DMAC2L: variants seen among roughly 807,000 people sequenced by gnomAD.
The protein encoded by DMAC2L is ATP synthase subunit s, mitochondrial.
DMAC2L carries 21 observed loss-of-function variants against 22.5 expected under a neutral mutation model. The ratio of observed to expected loss-of-function variants is 0.93; its 90% CI spans 0.66 to 1.34. The LOEUF (loss-of-function observed/expected upper bound fraction) is 1.34, where lower values mean the gene tolerates loss of function less well. Ranked by LOEUF, DMAC2L falls within the 40% of genes most tolerant of loss-of-function variation. DMAC2L has a pLI of 0.00. For missense variants in DMAC2L, 239 were observed against 246.5 expected (o/e 0.97, Z 0.20); for synonymous variants, 86 against 89.5 (o/e 0.96, Z 0.22).
At position 50,324,065 on chromosome 14, in the gene DMAC2L, T is replaced by C; in HGVS notation, c.437T>C (p.Ile146Thr). The stretch of plus-strand genomic sequence containing the variant: ...AAAACCATATTGGAAATGGAAATAA[T>C]ATCCTGTGGGAATATCACAGACAAA... ...LQKTILEMEI[I>T]SCGNITDKGI... Residue 146 changes from isoleucine to threonine, a missense_variant, in exon 5 of 6, where the codon ATA becomes ACA. By Grantham distance (89) the Ile-to-Thr change is moderately conservative. Coordinates refer to ENST00000557421, the MANE Select transcript of DMAC2L (RefSeq NM_001382507.1). The C allele has an allele frequency of 6.2e-7, 1 of 1,614,044 alleles. No homozygotes were observed. The highest frequency in any genetic ancestry group is 8.5e-7 in the Non-Finnish European group (1 of 1,179,976).
At position 50,325,845 on chromosome 14, in the gene DMAC2L, A is replaced by G; in HGVS notation, c.*122A>G. Reference sequence around the variant, plus strand: ...CCATATCATGACATTTTAGAAGTGGAGAGTGCATCATATGTAGAAAATAAA... The same window carrying G: ...CCATATCATGACATTTTAGAAGTGGGGAGTGCATCATATGTAGAAAATAAA... On this transcript the variant is annotated 3_prime_UTR_variant, in exon 6 of 6. Transcript: ENST00000557421. 1 of 1,415,042 alleles carries G rather than the reference A, an allele frequency of 7.1e-7. No homozygotes were observed. Among genetic ancestry groups the G allele is most frequent in the South Asian group, 1.5e-5 (1 of 64,864 alleles). 87.7% of individuals were successfully genotyped at this position (1,415,042 alleles called of 1,614,324 possible).
chr14:50,324,283 C>G, intron 5 of DMAC2L, 167 bp downstream of exon 5: 1 of 587,552 alleles, frequency 1.7e-6, no homozygotes, highest in Non-Finnish European at 2.7e-6. Flanking sequence ...AATGATCAAC[C>G]TTAATACATT....
In DMAC2L at chr14:50,326,459, TTGA is replaced by T. The variant is rs1156291527; in HGVS notation, c.*739_*741del. The T allele has an allele frequency of 1.0e-4, 101 of 985,156 alleles. No homozygotes were observed. The highest frequency in any genetic ancestry group is 1.2e-4 in the Non-Finnish European group (101 of 829,824). The allele number at this position is 985,156 out of a possible 1,614,324, so 61.0% of individuals were successfully genotyped here. ...AATTAGAAGCTAAATTACAGATTCATTGATGGAGTCAATTATGCAAAGTGGTCA... is the reference window on the plus strand; with the variant it reads ...AATTAGAAGCTAAATTACAGATTCATTGGAGTCAATTATGCAAAGTGGTCA... On this transcript the variant is annotated 3_prime_UTR_variant, in exon 6 of 6. Transcript: ENST00000557421.
At chr14:50,311,781 C>A (rs2031213051), upstream of DMAC2L, among the ~76,000 whole-genome samples, 1 of 152,214 alleles carries the variant, frequency 6.6e-6, no homozygotes, top group Non-Finnish European at 1.5e-5. Flanking sequence ...TTGTTCAAAG[C>A]CAGAGCTACT....
At position 50,325,756 on chromosome 14, in the gene DMAC2L, T is replaced by A. The variant is rs935955003; in HGVS notation, c.*33T>A. The A allele has an allele frequency of 1.3e-6, 2 of 1,586,614 alleles. No individual in the cohort carries two copies. The highest frequency in any genetic ancestry group is 1.4e-5 in the African/African-American group (1 of 73,636). On this transcript the variant is annotated 3_prime_UTR_variant, in exon 6 of 6. Coordinates refer to ENST00000557421, the MANE Select transcript of DMAC2L (RefSeq NM_001382507.1). ...TGTCTTATTTCAGTATAAAGGATCA[T>A]TTGAAACTGTTGATTCCAAACATCA...
At chr14:50,323,825 TA>T in intron 4 of DMAC2L, 119 bp from the exon 5 acceptor site, 1 of 769,658 alleles carries the variant, frequency 1.3e-6, no homozygotes, top group Non-Finnish European at 2.1e-6. Flanking sequence ...TTCATGGAAC[TA>T]AGAGGTTTCC....
upstream of DMAC2L, chr14:50,311,529 C>A: frequency 2.2e-6 from 1 of 452,798 alleles, no homozygotes; most frequent in Admixed American, 2.4e-5. Context: ...AGCATAAGAG[C>A]TGCCTCCGAC....
intron 5 of DMAC2L, chr14:50,324,513 A>G (rs965213957): frequency 6.5e-6 from 1 of 153,680 alleles, no homozygotes; most frequent in African/African-American, 2.4e-5. Flanking sequence ...TTGAGGGGAG[A>G]AAAACCTTGA....
At chr14:50,323,462 T>C (rs2032467329) in intron 4 of DMAC2L, among the ~76,000 whole-genome samples, 1 of 148,466 alleles carries the variant, frequency 6.7e-6, no homozygotes, top group South Asian at 2.2e-4. Context: ...GGCGTGATCT[T>C]GGCTCACTGC....
chr14:50,315,267 A>G (rs900139646), intron 2 of DMAC2L, among the ~76,000 whole-genome samples: 1 of 151,284 alleles, frequency 6.6e-6, no homozygotes, highest in Admixed American at 6.6e-5. Context: ...CGCCCAGCCT[A>G]TTATGTCATT....
Position 50,321,521 on chromosome 14 carries a change from T to C in DMAC2L, c.34T>C (p.Cys12Arg), listed in dbSNP as rs2139305460. The C allele has an allele frequency of 6.2e-7, 1 of 1,614,092 alleles. No homozygotes were observed. The change falls in exon 3 of 6, where the codon TGT becomes CGT. Residue 12 changes from cysteine (C) to arginine (R), a missense_variant. Coordinates refer to ENST00000557421, the MANE Select transcript of DMAC2L (RefSeq NM_001382507.1). ...GTTTGGAAAAATTTCCCAGCAGTTG[T>C]GTGGCGTAAAGAAACTCCCATGGTC... is the stretch of plus-strand genomic sequence containing the variant. Reference protein sequence around the residue: ...MPFGKISQQLCGVKKLPWSCD... With the variant: ...MPFGKISQQLRGVKKLPWSCD...
intron 2 of DMAC2L, among the ~76,000 whole-genome samples, 151 bp downstream of exon 2, chr14:50,314,777 G>A (rs989436000): frequency 6.6e-6 from 1 of 152,028 alleles, no homozygotes; most frequent in African/African-American, 2.4e-5. Context: ...GAGTAGCTGG[G>A]ACTATAGGCA....
chr14:50,315,212 C>T (rs1156948438), intron 2 of DMAC2L, among the ~76,000 whole-genome samples: 2 of 149,494 alleles, frequency 1.3e-5, no homozygotes, highest in Non-Finnish European at 3.0e-5. Flanking sequence ...GTGATCCACC[C>T]GCCTCGGCCT....
At position 50,321,834 on chromosome 14, in the gene DMAC2L, A is replaced by G. The variant is rs538849837; in HGVS notation, c.107+240A>G. Among the ~76,000 whole-genome samples, 10 of 152,342 alleles carry G rather than the reference A, an allele frequency of 6.6e-5. No individual in the cohort carries two copies. In the South Asian group the frequency reaches 1.9e-3, roughly 28 times the overall value. ...GATTTTTCTTACTTGTCCTTTTGATATATTTCAAGTTTTCTAAAACATTTT... is the reference window on the plus strand; with the variant it reads ...GATTTTTCTTACTTGTCCTTTTGATGTATTTCAAGTTTTCTAAAACATTTT... On this transcript the variant is annotated intron_variant, in intron 3 of 5. Coordinates refer to ENST00000557421, the MANE Select transcript of DMAC2L (RefSeq NM_001382507.1).
intron 1 of DMAC2L, chr14:50,313,087 A>T: frequency 6.4e-7 from 1 of 1,560,830 alleles, no homozygotes; most frequent in Non-Finnish European, 8.8e-7. Flanking sequence ...CCCTTTATGT[A>T]AAAATGAGGG....
chr14:50,312,248 G>A (rs576801773), upstream of DMAC2L: 87 of 1,506,938 alleles, frequency 5.8e-5, no homozygotes, highest in South Asian at 7.7e-4. Context: ...TCACGCGGGG[G>A]CCAATGAAGT....
chr14:50,325,522 A>C (rs2032654340), intron 5 of DMAC2L, 87 bp from the exon 6 acceptor site: 3 of 1,426,408 alleles, frequency 2.1e-6, no homozygotes. Context: ...TTCATTTTCT[A>C]CATAATTTTC....
chr14:50,323,118 C>T, intron 4 of DMAC2L: 10 of 823,412 alleles, frequency 1.2e-5, no homozygotes, highest in Non-Finnish European at 1.5e-5. Flanking sequence ...CAGAGTCTTG[C>T]TCTGTCGCCT....
At chr14:50,324,308 T>C (rs1169399341) in intron 5 of DMAC2L, 192 bp downstream of exon 5, 6 of 427,456 alleles carry the variant, frequency 1.4e-5, no homozygotes, top group Admixed American at 4.6e-5. Context: ...TTGTATTGAA[T>C]TTTTTATAGA....
Sources: allele counts gnomAD v4.1 joint callset (sites outside exome capture counted in the v4.1 genomes callset), GRCh38; gene constraint gnomAD v4.1.1; transcripts MANE v1.5; gene names NCBI Gene and HGNC (gene_info 2026-07-23, HGNC 2026-07-21).